OCA2: variants seen among roughly 807,000 people sequenced by gnomAD.
OCA2 encodes the protein P protein.
Under a neutral mutation model 100.2 loss-of-function variants are expected in OCA2, and 77 were observed. The observed-to-expected ratio is 0.77, with a 90% CI of 0.64 to 0.93. The LOEUF (loss-of-function observed/expected upper bound fraction) is 0.93. OCA2 is among the 40% of genes least tolerant of loss of function. OCA2 has a pLI of 0.00. For missense variants in OCA2, 1,062 were observed against 1,089.1 expected (o/e 0.98, Z 0.35); for synonymous variants, 432 against 439.2 (o/e 0.98, Z 0.21).
At chr15:28,072,847 G>A (rs530211265) in intron 2 of OCA2, among the ~76,000 whole-genome samples, 11 of 152,256 alleles carry the variant, frequency 7.2e-5, no homozygotes, top group East Asian at 3.9e-4. Context: ...ATGCACTGCC[G>A]GTGGGAATGC....
intron 2 of OCA2, among the ~76,000 whole-genome samples, chr15:28,037,398 G>C (rs934490869): frequency 6.6e-6 from 1 of 152,110 alleles, no homozygotes; most frequent in Non-Finnish European, 1.5e-5. Flanking sequence ...CTCTGTAACA[G>C]AGCCTATGCA....
chr15:27,800,204 A>T (rs1422919640), intron 23 of OCA2, among the ~76,000 whole-genome samples: 1 of 152,248 alleles, frequency 6.6e-6, no homozygotes, highest in Non-Finnish European at 1.5e-5. Flanking sequence ...GATTGTACTA[A>T]AGCGTTGCCG....
chr15:28,070,967 T>C lies in OCA2; in HGVS notation c.227+10681A>G, dbSNP rs1475114378. ...GTTAAACAGATGCTTGAAGGCAGCATGCTCGTTAAGAGTCATCACCAATCC... is the reference window on the plus strand; with the variant it reads ...GTTAAACAGATGCTTGAAGGCAGCACGCTCGTTAAGAGTCATCACCAATCC... On this transcript the variant is annotated intron_variant, in intron 2 of 23. Transcript: ENST00000354638. 4.1e-5 allele frequency among the ~76,000 whole-genome samples: 6 copies of C among 145,872 alleles called. No homozygotes were observed. In the South Asian group the frequency reaches 1.4e-3, roughly 33 times the overall value.
chr15:28,010,635 G>A (rs1388668734), intron 9 of OCA2, among the ~76,000 whole-genome samples: 1 of 151,910 alleles, frequency 6.6e-6, no homozygotes, highest in African/African-American at 2.4e-5. Flanking sequence ...GAAACACTTA[G>A]GTATAAATTT....
At chr15:27,912,522 A>G (rs1291820844) in intron 19 of OCA2, among the ~76,000 whole-genome samples, 3 of 152,258 alleles carry the variant, frequency 2.0e-5, no homozygotes, top group Non-Finnish European at 4.4e-5. Context: ...AACAAAATAA[A>G]TAACAATAGT....
chr15:28,009,194 T>C (rs1347414231), intron 9 of OCA2, among the ~76,000 whole-genome samples: 5 of 152,182 alleles, frequency 3.3e-5, no homozygotes, highest in African/African-American at 9.7e-5. Context: ...TTAACACCCC[T>C]GCAGCCTTCT....
rs192528623 is a variant in OCA2 at position 27,803,497 on chromosome 15, A to C, written c.2432+41462T>G. On this transcript the variant is annotated intron_variant, in intron 23 of 23. Transcript: ENST00000354638. ...ATAAGCCCATCACGAAATGACAAATACTATATGATTCCGCTAATATGAGAT... is the reference window on the plus strand; with the variant it reads ...ATAAGCCCATCACGAAATGACAAATCCTATATGATTCCGCTAATATGAGAT... Among the ~76,000 whole-genome samples, 306 of 152,308 alleles carry C rather than the reference A, an allele frequency of 2.0e-3. 2 individuals carry two copies. The highest frequency in any genetic ancestry group is 7.0e-3 in the African/African-American group (289 of 41,552).
At chr15:28,015,441 G>A (rs1480841689) in intron 8 of OCA2, among the ~76,000 whole-genome samples, 1 of 152,184 alleles carries the variant, frequency 6.6e-6, no homozygotes, top group Non-Finnish European at 1.5e-5. Flanking sequence ...CTCTGTTGAA[G>A]TCCTAACCCC....
intron 1 of OCA2, 96 bp from the exon 2 acceptor site, chr15:28,081,991 G>C (rs909432286): frequency 9.6e-7 from 1 of 1,036,760 alleles, no homozygotes; most frequent in African/African-American, 1.6e-5. Flanking sequence ...TTGCTTCTTC[G>C]GAGGCGGTCC....
At chr15:27,822,753 T>C (rs955740791) in intron 23 of OCA2, among the ~76,000 whole-genome samples, 2 of 152,176 alleles carry the variant, frequency 1.3e-5, no homozygotes, top group Admixed American at 1.3e-4. Flanking sequence ...TTTTTCCTAA[T>C]TGATTGGTAG....
In OCA2 at chr15:28,042,656, TAATA is replaced by T. The variant is rs764760430; in HGVS notation, c.228-10497_228-10494del. On this transcript the variant is annotated intron_variant, in intron 2 of 23. Transcript: ENST00000354638. ...CTCTGTCTCAAAGTAAATAAATAAA[TAATA>T]AATAAATAAATAAATAAATAAAATG... 1.7e-3 allele frequency among the ~76,000 whole-genome samples: 131 copies of T among 76,354 alleles called. 1 individual carries two copies. In the South Asian group the frequency reaches 0.045, roughly 26 times the overall value. The allele number at this position is 76,354 out of a possible 152,430, so 50.1% of individuals were successfully genotyped here. A position where few individuals can be genotyped will look rare whatever the true frequency, so the allele number is the denominator to read the frequency against.
At chr15:27,927,904 G>A (rs1483970538) in intron 18 of OCA2, among the ~76,000 whole-genome samples, 1 of 146,214 alleles carries the variant, frequency 6.8e-6, no homozygotes, top group Non-Finnish European at 1.5e-5. Flanking sequence ...TGATGTTCCT[G>A]CCTCAGCCTC....
At chr15:27,978,127 T>C (rs557136167) in intron 14 of OCA2, among the ~76,000 whole-genome samples, 5 of 152,356 alleles carry the variant, frequency 3.3e-5, no homozygotes, top group Admixed American at 3.3e-4. Flanking sequence ...CTTGTTATTA[T>C]ATTCTAATTT....
At chr15:28,021,105 GAATT>G (rs2042580462) in intron 6 of OCA2, among the ~76,000 whole-genome samples, 1 of 152,210 alleles carries the variant, frequency 6.6e-6, no homozygotes, top group African/African-American at 2.4e-5. Flanking sequence ...TTAGCTAACT[GAATT>G]AATTCCTTTT....
chr15:28,095,789 G>C (rs1182692672), intron 1 of OCA2, among the ~76,000 whole-genome samples: 1 of 152,012 alleles, frequency 6.6e-6, no homozygotes, highest in Non-Finnish European at 1.5e-5. Flanking sequence ...GGAACGAGAA[G>C]CACCAGGTTT....
intron 18 of OCA2, among the ~76,000 whole-genome samples, chr15:27,931,497 G>A (rs1235426583): frequency 2.0e-5 from 3 of 151,954 alleles, no homozygotes; most frequent in African/African-American, 7.2e-5. Context: ...ACCACACCTG[G>A]CTAATTTTTT....
chr15:28,070,683 C>T (rs1346653712), intron 2 of OCA2, among the ~76,000 whole-genome samples: 180 of 148,004 alleles, frequency 1.2e-3, no homozygotes, highest in African/African-American at 4.4e-3. Context: ...TCATTGAGAA[C>T]GGGCCAGGAT....
intron 19 of OCA2, among the ~76,000 whole-genome samples, chr15:27,902,766 G>A (rs1214088439): frequency 1.3e-5 from 2 of 152,190 alleles, no homozygotes; most frequent in African/African-American, 4.8e-5. Context: ...ATGGCCACAG[G>A]GAGATGCACC....
At chr15:28,035,811 A>C (rs2043030696) in intron 2 of OCA2, among the ~76,000 whole-genome samples, 1 of 152,172 alleles carries the variant, frequency 6.6e-6, no homozygotes, top group African/African-American at 2.4e-5. Flanking sequence ...TAAGCTTATA[A>C]ATGCCTATAC....
Sources: allele counts gnomAD v4.1 joint callset (sites outside exome capture counted in the v4.1 genomes callset), GRCh38; gene constraint gnomAD v4.1.1; transcripts MANE v1.5; gene names NCBI Gene and HGNC (gene_info 2026-07-23, HGNC 2026-07-21).